The following CERT1 variants were observed in gnomAD, a reference collection of about 807,000 sequenced individuals.
The protein encoded by CERT1 is ceramide transfer protein.
Under a neutral mutation model 87.9 loss-of-function variants are expected in CERT1, and 31 were observed. The ratio of observed to expected loss-of-function variants is 0.35; its 90% CI spans 0.27 to 0.48. The LOEUF is 0.48. CERT1 is among the 20% of genes least tolerant of loss of function. CERT1 has a pLI of 0.99. For missense variants in CERT1, 487 were observed against 758.0 expected, an observed-to-expected ratio of 0.64 and a Z score of 4.20; for synonymous variants, 289 against 250.9, an observed-to-expected ratio of 1.15 and a Z score of -1.44.
intron 2 of CERT1, among the ~76,000 whole-genome samples, chr5:75,470,839 A>T (rs1765675307): frequency 6.6e-6 from 1 of 152,166 alleles, no homozygotes; most frequent in East Asian, 1.9e-4. Flanking sequence ...AGAAAACCCT[A>T]AAGACTCCAC....
intron 2 of CERT1, among the ~76,000 whole-genome samples, chr5:75,488,734 T>C (rs538008980): frequency 6.6e-6 from 1 of 152,180 alleles, no homozygotes; most frequent in Non-Finnish European, 1.5e-5. Context: ...CTTTTATGAT[T>C]TGTTCCTTTT....
At chr5:75,508,652 C>G (rs1381825850) in intron 1 of CERT1, among the ~76,000 whole-genome samples, 1 of 152,050 alleles carries the variant, frequency 6.6e-6, no homozygotes, top group Non-Finnish European at 1.5e-5. Context: ...CTGTGGCCAA[C>G]AGGCCAGCAG....
intron 2 of CERT1, among the ~76,000 whole-genome samples, chr5:75,488,919 T>C (rs78285088): frequency 0.078 from 11,913 of 152,118 alleles, 559 homozygotes; most frequent in South Asian, 0.17. Context: ...AAGAAAATTT[T>C]TTTCAGAGCC....
At chr5:75,511,695 C>T, upstream of CERT1, 2 of 1,540,488 alleles carry the variant, frequency 1.3e-6, no homozygotes, top group African/African-American at 1.4e-5. Flanking sequence ...ACTCCCCGCC[C>T]CGTCCCCCTC....
At chr5:75,511,681 C>G (rs531428706), upstream of CERT1, 461 of 1,532,304 alleles carry the variant, frequency 3.0e-4, 1 homozygote, top group Admixed American at 3.4e-4. Context: ...CATTCTCCCC[C>G]ACTACTCCCC....
At chr5:75,459,257 T>G in intron 2 of CERT1, 76 bp from the exon 3 acceptor site, 1 of 800,614 alleles carries the variant, frequency 1.2e-6, no homozygotes. Context: ...AGCCAAAACA[T>G]GAACATACTC....
chr5:75,400,117 T>G (rs1471342779), intron 10 of CERT1, 88 bp downstream of exon 10: 2 of 995,882 alleles, frequency 2.0e-6, no homozygotes, highest in Non-Finnish European at 3.1e-6. Flanking sequence ...GGTGACAGAG[T>G]GAGACTCCGT....
intron 2 of CERT1, among the ~76,000 whole-genome samples, chr5:75,461,100 T>C (rs957363805): frequency 4.6e-5 from 7 of 152,146 alleles, no homozygotes; most frequent in Non-Finnish European, 8.8e-5. Flanking sequence ...GAGAATAGCT[T>C]CTTGGAGGAA....
chr5:75,374,829 C>G, downstream of CERT1: 5 of 520,770 alleles, frequency 9.6e-6, no homozygotes, highest in South Asian at 7.2e-5. Flanking sequence ...TCCTTAAAGA[C>G]TGAAGATGGA....
chr5:75,431,406 T>A (rs1312208047), intron 3 of CERT1, among the ~76,000 whole-genome samples: 1 of 152,194 alleles, frequency 6.6e-6, no homozygotes, highest in Non-Finnish European at 1.5e-5. Context: ...CATTCCAGAC[T>A]TACTACACTG....
intron 2 of CERT1, among the ~76,000 whole-genome samples, chr5:75,491,941 T>A (rs917364774): frequency 6.6e-6 from 1 of 152,174 alleles, no homozygotes; most frequent in Non-Finnish European, 1.5e-5. Flanking sequence ...TAGCTCTTCT[T>A]ACCTTTATTT....
At chr5:75,483,354 TAAAG>T (rs1318007506) in intron 2 of CERT1, among the ~76,000 whole-genome samples, 1 of 151,966 alleles carries the variant, frequency 6.6e-6, no homozygotes, top group African/African-American at 2.4e-5. Context: ...AAAAAAAGAA[TAAAG>T]AATGTAGCAA....
rs1467979061 is a variant in CERT1, at chr5:75,441,345, T to C, written c.349-14867A>G. On this transcript the variant is annotated intron_variant, in intron 3 of 16. Transcript: ENST00000643780. ...TATACATAAGTTCACTCTATGATGT[T>C]TGCACAACAAAATCGACAAACTATG... 6.6e-5 allele frequency among the ~76,000 whole-genome samples: 10 copies of C among 152,282 alleles called. No homozygotes were observed. The South Asian group carries it at 1.2e-3, about 19-fold the overall frequency.
chr5:75,405,800 TACATATAGGAAAAAACATAGC>T lies in CERT1; in HGVS notation c.931-2763_931-2743del, dbSNP rs544561320. Among the ~76,000 whole-genome samples, 227 of 145,762 alleles carry T rather than the reference TACATATAGGAAAAAACATAGC, an allele frequency of 1.6e-3. 1 individual carries two copies. The highest frequency in any genetic ancestry group is 7.6e-3 in the Admixed American group (108 of 14,186). ...AAAATTAAACTTTATCACAGGTACA[TACATATAGGAAAAAACATAGC>T]ACATATAGGAAAAAACAGTGTATAT... On this transcript the variant is annotated intron_variant, in intron 8 of 16. Transcript: ENST00000643780.
At chr5:75,500,432 T>C (rs1447974848) in intron 2 of CERT1, among the ~76,000 whole-genome samples, 1 of 152,220 alleles carries the variant, frequency 6.6e-6, no homozygotes, top group Non-Finnish European at 1.5e-5. Flanking sequence ...CAAGGCCTCT[T>C]ACCAAATATT....
chr5:75,388,857 T>G (rs1761920447), intron 12 of CERT1, among the ~76,000 whole-genome samples: 1 of 151,804 alleles, frequency 6.6e-6, no homozygotes, highest in South Asian at 2.1e-4. Flanking sequence ...ACTCCTGAGC[T>G]CAAGTAATCC....
chr5:75,438,522 G>C (rs753302844), intron 3 of CERT1, among the ~76,000 whole-genome samples: 1 of 152,082 alleles, frequency 6.6e-6, no homozygotes, highest in Non-Finnish European at 1.5e-5. Flanking sequence ...TTTGGGGACA[G>C]TACTTTAAAG....
intron 2 of CERT1, among the ~76,000 whole-genome samples, chr5:75,463,084 G>A (rs535548965): frequency 4.6e-5 from 7 of 151,454 alleles, no homozygotes; most frequent in African/African-American, 1.7e-4. Context: ...AGTATCAAAG[G>A]AGATAAAGCA....
chr5:75,511,072 G>C, intron 1 of CERT1, 40 bp downstream of exon 1: 1 of 1,498,720 alleles, frequency 6.7e-7, no homozygotes, highest in South Asian at 1.4e-5. Context: ...CGCTGCAGGT[G>C]AGTCTGGCCA....
Sources: allele counts gnomAD v4.1 joint callset (sites outside exome capture counted in the v4.1 genomes callset), GRCh38; gene constraint gnomAD v4.1.1; transcripts MANE v1.5; gene names NCBI Gene and HGNC (gene_info 2026-07-23, HGNC 2026-07-21).